The following PI4KA variants were observed in gnomAD, a reference collection of about 807,000 sequenced individuals.
The protein encoded by PI4KA is PI4-kinase alpha.
Under a neutral mutation model 271.4 loss-of-function variants are expected in PI4KA, and 122 were observed. The ratio of observed to expected loss-of-function variants is 0.45; its 90% CI spans 0.39 to 0.52. PI4KA has a LOEUF of 0.52. Among genes scored for constraint, PI4KA ranks in the 20% least tolerant of loss-of-function variants. The pLI is 0.00. For synonymous variants in PI4KA, 1,041 were observed against 1,078.8 expected, an observed-to-expected ratio of 0.96 and a Z score of 0.69; for missense variants, 1,969 against 2,769.1, an observed-to-expected ratio of 0.71 and a Z score of 6.48.
chr22:20,831,282 T>C (rs1461620522), intron 3 of PI4KA, among the ~76,000 whole-genome samples: 1 of 151,954 alleles, frequency 6.6e-6, no homozygotes, highest in Non-Finnish European at 1.5e-5. Flanking sequence ...ATGCTGAATA[T>C]GAGCCAGGCC....
chr22:20,779,770 T>A (rs1329510322), intron 19 of PI4KA: 1 of 1,614,210 alleles, frequency 6.2e-7, no homozygotes, highest in Admixed American at 1.7e-5. Flanking sequence ...AACATCTTCA[T>A]AGCACCCGTT....
chr22:20,767,547 C>T (rs1427893697), intron 19 of PI4KA, among the ~76,000 whole-genome samples: 1 of 151,936 alleles, frequency 6.6e-6, no homozygotes, highest in East Asian at 1.9e-4. Context: ...GCACTGACCT[C>T]GATCTCCCAG....
chr22:20,804,816 G>A (rs1314527018), intron 11 of PI4KA, among the ~76,000 whole-genome samples, 158 bp downstream of exon 11: 2 of 152,248 alleles, frequency 1.3e-5, no homozygotes, highest in Non-Finnish European at 2.9e-5. Flanking sequence ...CACAGCAGGG[G>A]CTAATGCTCC....
In PI4KA at chr22:20,784,081, C is replaced by T. The variant is rs1008257; in HGVS notation, c.2328+9112G>A. ...TGATGCAGACCAAGGGGAACTTCCT[C>T]GCAGCAAATGACCAGGAGCTGGACT... On this transcript the variant is annotated intron_variant, in intron 19 of 54. Coordinates refer to ENST00000255882, the MANE Select transcript of PI4KA (RefSeq NM_058004.4). 2.3e-4 allele frequency: 367 copies of T among 1,614,158 alleles called. No individual in the cohort carries two copies. In the African/African-American group the frequency reaches 4.3e-3, roughly 19 times the overall value.
intron 29 of PI4KA, among the ~76,000 whole-genome samples, chr22:20,746,038 C>T (rs1410562740): frequency 1.3e-4 from 8 of 60,374 alleles, no homozygotes; most frequent in Admixed American, 2.7e-4. Context: ...GGGGTTTCAT[C>T]AAAAAAAAAA....
intron 30 of PI4KA, 98 bp downstream of exon 30, chr22:20,744,530 C>T (rs1929839646): frequency 1.3e-6 from 1 of 783,534 alleles, no homozygotes; most frequent in Non-Finnish European, 2.2e-6. Flanking sequence ...TTCCACATCA[C>T]CGGGACGCTT....
chr22:20,814,785 T>C (rs1921548502), intron 7 of PI4KA, among the ~76,000 whole-genome samples: 1 of 151,174 alleles, frequency 6.6e-6, no homozygotes, highest in Non-Finnish European at 1.5e-5. Flanking sequence ...TTATGTTATG[T>C]GTATTTTACC....
chr22:20,798,208 G>A (rs376499344), intron 17 of PI4KA, among the ~76,000 whole-genome samples: 19 of 152,138 alleles, frequency 1.2e-4, no homozygotes, highest in African/African-American at 4.3e-4. Context: ...TAACATCCAA[G>A]CTAGAGACTG....
At chr22:20,767,778 G>A (rs1932665424) in intron 19 of PI4KA, among the ~76,000 whole-genome samples, 1 of 151,884 alleles carries the variant, frequency 6.6e-6, no homozygotes, top group Admixed American at 6.6e-5. Flanking sequence ...GGGACTACGG[G>A]CATGCACCAC....
rs1269957776 is a variant in PI4KA, at chr22:20,818,473, T to C, written c.856+10A>G. On this transcript the variant is annotated intron_variant, in intron 7 of 54. Transcript: ENST00000255882. ...TACGTCAAAATATTCTTCGGAAAGG[T>C]GAAGCCCACCTTCAAAGTAGTGAAA... 3 of 1,578,804 alleles carry C rather than the reference T, an allele frequency of 1.9e-6. No homozygotes were observed. Among genetic ancestry groups the C allele is most frequent in the Admixed American group, 3.7e-5 (2 of 53,528 alleles).
intron 1 of PI4KA, among the ~76,000 whole-genome samples, chr22:20,841,120 T>TA (rs1925500281): frequency 6.6e-6 from 1 of 152,274 alleles, no homozygotes; most frequent in Non-Finnish European, 1.5e-5. Context: ...TCTCAGGTGA[T>TA]ACGCCCACCT....
intron 1 of PI4KA, among the ~76,000 whole-genome samples, chr22:20,843,459 C>T (rs915970914): frequency 1.3e-5 from 2 of 152,158 alleles, no homozygotes; most frequent in Non-Finnish European, 2.9e-5. Context: ...TGTGATCACA[C>T]TACTACACTC....
intron 7 of PI4KA, among the ~76,000 whole-genome samples, chr22:20,817,209 C>T (rs1044131011): frequency 8.5e-5 from 13 of 152,112 alleles, no homozygotes; most frequent in Non-Finnish European, 1.3e-4. Context: ...TCACATCTCT[C>T]GAAACTGTCT....
chr22:20,739,161 C>T (rs1160894543), intron 32 of PI4KA, among the ~76,000 whole-genome samples: 4 of 151,158 alleles, frequency 2.6e-5, no homozygotes, highest in African/African-American at 4.9e-5. Context: ...CTGGCTAACA[C>T]AGTGAAACCC....
Position 20,721,413 on chromosome 22 carries a change from G to C in PI4KA, c.5001C>G (p.Gly1667=), listed in dbSNP as rs141133737. The change falls in exon 43 of 55, where the codon GGC becomes GGG. Residue 1667 remains glycine (G), a synonymous_variant. Transcript: ENST00000255882. The part of the protein sequence containing the change: ...IVQALRYDKM[G]YVREYILWAA... ...CCCACAGAATATACTCCCGCACATA[G>C]CCCATCTGCAGGAGAGCAAGGTCCC... The C allele has an allele frequency of 2.7e-5, 43 of 1,613,628 alleles. No homozygotes were observed. The highest frequency in any genetic ancestry group is 5.0e-5 in the Admixed American group (3 of 59,988).
chr22:20,833,657 GTT>G (rs361962), intron 3 of PI4KA, among the ~76,000 whole-genome samples: 4,918 of 72,636 alleles, frequency 0.068, 64 homozygotes, highest in Middle Eastern at 0.13. Context: ...GTTTGTTTTT[GTT>G]TTTTTTTTTT....
chr22:20,838,845 A>C (rs974279661), intron 1 of PI4KA, 114 bp from the exon 2 acceptor site: 1 of 633,204 alleles, frequency 1.6e-6, no homozygotes, highest in Non-Finnish European at 2.8e-6. Context: ...CAGGAGGCTG[A>C]GGTGGGAGGA....
At position 20,824,348 on chromosome 22, in the gene PI4KA, C is replaced by T; in HGVS notation, c.434G>A (p.Arg145Lys). ...TACCTCATCCCTAAGTGAAGGATCC[C>T]TATAGGCCACATCAGACAGCAGAGT... is the stretch of plus-strand genomic sequence containing the variant. ...LVTLLSDVAYRDPSLRDEILE... is the reference protein window; with the variant it reads ...LVTLLSDVAYKDPSLRDEILE... The change falls in exon 4 of 55, where the codon AGG becomes AAG. Residue 145 changes from arginine (R) to lysine (K), a missense_variant. Physicochemically the swap from Arg to Lys is conservative, Grantham distance 26. This residue lies in a region of PI4KA where 540 missense variants were observed against 555.5 expected (regional missense o/e 0.97). Coordinates refer to ENST00000255882, the MANE Select transcript of PI4KA (RefSeq NM_058004.4). The T allele has an allele frequency of 6.2e-7, 1 of 1,612,824 alleles. No individual in the cohort carries two copies. Among genetic ancestry groups the T allele is most frequent in the South Asian group, 1.1e-5 (1 of 91,028 alleles).
intron 1 of PI4KA, among the ~76,000 whole-genome samples, chr22:20,843,644 T>C (rs749775889): frequency 6.6e-6 from 1 of 151,514 alleles, no homozygotes; most frequent in Non-Finnish European, 1.5e-5. Flanking sequence ...TCAGGAGAGG[T>C]TGCACAGATG....
Sources: allele counts gnomAD v4.1 joint callset (sites outside exome capture counted in the v4.1 genomes callset), GRCh38; gene constraint gnomAD v4.1.1; regional missense constraint gnomAD v4.1.1; transcripts MANE v1.5; gene names NCBI Gene and HGNC (gene_info 2026-07-23, HGNC 2026-07-21).